Variants in TMC7 observed in about 807,000 individuals in gnomAD.
TMC7 encodes the protein transmembrane channel-like protein 7.
A neutral mutation model predicts 82.9 loss-of-function variants in TMC7; 54 were observed. That is an observed-to-expected ratio of 0.65 (90% CI 0.52 to 0.82). The LOEUF (loss-of-function observed/expected upper bound fraction) is 0.82. TMC7 is among the 40% of genes least tolerant of loss of function. The probability of loss-of-function intolerance (pLI) is 0.00; values close to 1 mark genes in which losing one functional copy is unlikely to be tolerated. For missense variants in TMC7, 820 were observed against 901.2 expected, an observed-to-expected ratio of 0.91 and a Z score of 1.15; for synonymous variants, 350 against 337.9, an observed-to-expected ratio of 1.04 and a Z score of -0.39.
In TMC7 at chr16:19,019,974, G is replaced by A. The variant is rs185587299; in HGVS notation, c.461-1655G>A. On this transcript the variant is annotated intron_variant, in intron 3 of 15. Transcript: ENST00000304381. ...AGTTCTTTGCCCCTACCAAGAACAAGAAGCCATCCTTGCTCTTCAGAATGC... is the reference window on the plus strand; with the variant it reads ...AGTTCTTTGCCCCTACCAAGAACAAAAAGCCATCCTTGCTCTTCAGAATGC... Among the ~76,000 whole-genome samples the A allele has an allele frequency of 5.9e-5, 9 of 152,262 alleles. No homozygotes were observed. In the East Asian group the frequency reaches 1.5e-3, roughly 26 times the overall value.
At chr16:19,046,582 T>A (rs1362891386) in intron 11 of TMC7, among the ~76,000 whole-genome samples, 1 of 152,102 alleles carries the variant, frequency 6.6e-6, no homozygotes, top group Non-Finnish European at 1.5e-5. Context: ...ACACCCATAA[T>A]CCTAGCACTG....
intron 1 of TMC7, among the ~76,000 whole-genome samples, chr16:18,998,855 A>G (rs1169439265): frequency 6.6e-6 from 1 of 151,934 alleles, no homozygotes; most frequent in Non-Finnish European, 1.5e-5. Context: ...CTGTTTGCTC[A>G]TCTGTTTGTA....
At chr16:19,029,131 G>C (rs570235060) in intron 5 of TMC7, among the ~76,000 whole-genome samples, 5 of 150,984 alleles carry the variant, frequency 3.3e-5, no homozygotes, top group Non-Finnish European at 7.4e-5. Flanking sequence ...TCAGCCTCCC[G>C]AGTAGCTGGG....
In TMC7 at chr16:19,040,418, G is replaced by A. The variant is rs1281273327; in HGVS notation, c.1309G>A (p.Gly437Ser). 1 of 1,612,784 alleles carries A rather than the reference G, an allele frequency of 6.2e-7. No homozygotes were observed. Among genetic ancestry groups the A allele is most frequent in the Non-Finnish European group, 8.5e-7 (1 of 1,179,978 alleles). Residue 437 changes from glycine (G) to serine (S), a missense_variant, in exon 9 of 16, where the codon GGC becomes AGC. By Grantham distance (56) the Gly-to-Ser change is moderately conservative. Coordinates refer to ENST00000304381, the MANE Select transcript of TMC7 (RefSeq NM_024847.4). ...CATCCGCTATGAGGATTATTCTCCA[G>A]GCTTTGAGATCCGTCTGACAATCCT... ...KIIRYEDYSP[G>S]FEIRLTILRC...
chr16:19,047,713 ATT>A (rs35266186), intron 12 of TMC7, among the ~76,000 whole-genome samples: 61,196 of 123,082 alleles, frequency 0.5, 16,490 homozygotes, highest in East Asian at 0.72. Context: ...CTCTTGATGG[ATT>A]TTTTTTTTTT....
chr16:18,998,897 C>A (rs1401834206), intron 1 of TMC7, among the ~76,000 whole-genome samples: 1 of 152,160 alleles, frequency 6.6e-6, no homozygotes, highest in African/African-American at 2.4e-5. Flanking sequence ...ACCGGCCCCA[C>A]CCAGGTGCCA....
intron 3 of TMC7, among the ~76,000 whole-genome samples, chr16:19,020,596 G>C (rs929769766): frequency 6.6e-6 from 1 of 152,144 alleles, no homozygotes; most frequent in Non-Finnish European, 1.5e-5. Flanking sequence ...GGCTGGGCGT[G>C]GTGGCTCACG....
At chr16:18,999,312 A>G (rs1379348405) in intron 1 of TMC7, among the ~76,000 whole-genome samples, 2 of 152,292 alleles carry the variant, frequency 1.3e-5, no homozygotes, top group East Asian at 1.9e-4. Context: ...TCATATTTCA[A>G]TTGCTTAATA....
chr16:19,050,519 C>T (rs964615102), intron 12 of TMC7, among the ~76,000 whole-genome samples: 1 of 151,516 alleles, frequency 6.6e-6, no homozygotes, highest in African/African-American at 2.4e-5. Context: ...GAGACGGGGT[C>T]TCACCCAGAC....
intron 2 of TMC7, chr16:19,012,061 T>C (rs1959383132): frequency 6.6e-6 from 1 of 150,650 alleles, no homozygotes; most frequent in South Asian, 2.1e-4. Context: ...GCCCAGGAGG[T>C]TGAGGCTGCA....
Position 19,023,134 on chromosome 16 carries a change from C to T in TMC7, c.650C>T (p.Pro217Leu), listed in dbSNP as rs1395570079. The change falls in exon 5 of 16, where the codon CCA becomes CTA. Residue 217 changes from proline (P) to leucine (L), a missense_variant. By Grantham distance (98) the Pro-to-Leu change is moderately conservative (BLOSUM62 -3). Coordinates refer to ENST00000304381, the MANE Select transcript of TMC7 (RefSeq NM_024847.4). ...KDMDKQCTVY[P>L]VSSSGLIYFY... ...ACAGATAAACAATGTACAGTCTATC[C>T]AGTAAGCAGTTCTGGACTCATTTAC... 2 of 1,608,718 alleles carry T rather than the reference C, an allele frequency of 1.2e-6. No individual in the cohort carries two copies. Among genetic ancestry groups the T allele is most frequent in the Admixed American group, 1.7e-5 (1 of 59,742 alleles).
intron 6 of TMC7, among the ~76,000 whole-genome samples, chr16:19,031,672 A>AAAAC (rs373490761): frequency 7.9e-5 from 12 of 152,140 alleles, no homozygotes; most frequent in Admixed American, 6.5e-5. Context: ...CTCTGTCTCA[A>AAAAC]AAACAAACAA....
chr16:19,051,898 A>C (rs1420899181), intron 13 of TMC7, 82 bp downstream of exon 13: 4 of 1,312,648 alleles, frequency 3.0e-6, no homozygotes, highest in Admixed American at 2.2e-5. Flanking sequence ...GTCATATCAC[A>C]TTTTTTTTTT....
intron 1 of TMC7, among the ~76,000 whole-genome samples, chr16:18,989,767 G>T (rs1481138213): frequency 6.6e-6 from 1 of 151,586 alleles, no homozygotes; most frequent in Non-Finnish European, 1.5e-5. Flanking sequence ...GATAGAGAAG[G>T]AAGAGTGGCC....
chr16:19,025,035 G>A (rs186733230), intron 5 of TMC7, among the ~76,000 whole-genome samples: 5 of 152,050 alleles, frequency 3.3e-5, no homozygotes, highest in Admixed American at 3.3e-4. Context: ...TATAAGTACT[G>A]GGGGAACAGG....
intron 1 of TMC7, among the ~76,000 whole-genome samples, chr16:18,998,364 CTG>C (rs1333800359): frequency 6.6e-6 from 1 of 152,206 alleles, no homozygotes; most frequent in Admixed American, 6.5e-5. Context: ...GGTTGGGAAA[CTG>C]TGCTCTTAAC....
intron 12 of TMC7, chr16:19,049,728 C>T (rs1271553733): frequency 4.3e-6 from 4 of 921,656 alleles, no homozygotes; most frequent in Admixed American, 6.2e-5. Flanking sequence ...AGGCATGTCC[C>T]GCCGGCTGCC....
intron 5 of TMC7, among the ~76,000 whole-genome samples, chr16:19,025,016 C>T (rs1311348421): frequency 6.6e-6 from 1 of 151,972 alleles, no homozygotes; most frequent in Non-Finnish European, 1.5e-5. Flanking sequence ...AGAAAAAAAG[C>T]AATGAGATTA....
chr16:19,049,504 T>C (rs1961427992), intron 12 of TMC7: 1 of 479,464 alleles, frequency 2.1e-6, no homozygotes, highest in African/African-American at 2.1e-5. Context: ...GTTTTGGCTT[T>C]TGAAGAATGT....
Sources: allele counts gnomAD v4.1 joint callset (sites outside exome capture counted in the v4.1 genomes callset), GRCh38; gene constraint gnomAD v4.1.1; transcripts MANE v1.5; gene names NCBI Gene and HGNC (gene_info 2026-07-23, HGNC 2026-07-21).